The following ADAMTS13 variants were observed in gnomAD, a reference collection of about 807,000 sequenced individuals.
The protein encoded by ADAMTS13 is A disintegrin and metalloproteinase with thrombospondin motifs 13.
A neutral mutation model predicts 155.1 loss-of-function variants in ADAMTS13; 110 were observed. The ratio of observed to expected loss-of-function variants is 0.71; its 90% confidence interval spans 0.61 to 0.83. The LOEUF (loss-of-function observed/expected upper bound fraction) is 0.83, where lower values mean the gene tolerates loss of function less well. Among genes scored for constraint, ADAMTS13 ranks in the 40% least tolerant of loss-of-function variants. The probability of loss-of-function intolerance (pLI) is 0.00; values close to 1 mark genes in which losing one functional copy is unlikely to be tolerated. For synonymous variants in ADAMTS13, 758 were observed against 756.4 expected, an observed-to-expected ratio of 1.00 and a Z score of -0.03; for missense variants, 1,707 against 1,891.7, an observed-to-expected ratio of 0.90 and a Z score of 1.81.
chr9:133,425,391 G>T lies in ADAMTS13; in HGVS notation c.331-138G>T. 1 of 691,884 alleles carries T rather than the reference G, an allele frequency of 1.4e-6. No individual in the cohort carries two copies. Among genetic ancestry groups the T allele is most frequent in the Non-Finnish European group, 2.5e-6 (1 of 403,746 alleles). 42.9% of individuals were successfully genotyped at this position (691,884 alleles called of 1,614,324 possible). A position where few individuals can be genotyped will look rare whatever the true frequency, so the allele number is the denominator to read the frequency against. On this transcript the variant is annotated intron_variant, in intron 3 of 28. Transcript: ENST00000355699. The surrounding 1 kb of genome is among the most constrained non-coding windows in gnomAD (Gnocchi z 4.6). Reference sequence around the variant, plus strand: ...GTGCAGCACATTTTAGGAGCCCCCCGCCCCGCCCGGTTCCCACACATGCTG... The same window carrying T: ...GTGCAGCACATTTTAGGAGCCCCCCTCCCCGCCCGGTTCCCACACATGCTG...
chr9:133,433,234 TTG>T, intron 9 of ADAMTS13, 142 bp from the exon 10 acceptor site: 1 of 1,118,192 alleles, frequency 8.9e-7, no homozygotes, highest in East Asian at 2.4e-5. Context: ...GGTGAGTTCC[TTG>T]TGTGTGTTTG....
At position 133,422,535 on chromosome 9, in the gene ADAMTS13, C is replaced by T. The variant is rs782296373; in HGVS notation, c.92C>T (p.Ser31Phe). Residue 31 changes from serine (S) to phenylalanine (F), a missense_variant, in exon 1 of 29, where the codon TCC becomes TTC. By Grantham distance (155) the Ser-to-Phe change is radical. Coordinates refer to ENST00000355699, the MANE Select transcript of ADAMTS13 (RefSeq NM_139027.6). ...CGFLLGCWGP[S>F]HFQQSCLQAL... ...TTTCTCCTGGGCTGCTGGGGACCCT[C>T]CCATTTCCAGCAGGTGGGCTCATTT... 19 of 1,614,130 alleles carry T rather than the reference C, an allele frequency of 1.2e-5. 1 individual carries two copies. In the South Asian group the frequency reaches 1.9e-4, roughly 16 times the overall value.
chr9:133,417,235 T>A (rs1174255436), upstream of ADAMTS13, among the ~76,000 whole-genome samples: 1 of 152,260 alleles, frequency 6.6e-6, no homozygotes, highest in African/African-American at 2.4e-5. Context: ...CGGGCTGGTC[T>A]TGAACTCTTG....
chr9:133,455,062 A>G (rs587664139), intron 24 of ADAMTS13, among the ~76,000 whole-genome samples: 1 of 152,166 alleles, frequency 6.6e-6, no homozygotes, highest in Non-Finnish European at 1.5e-5. Context: ...AGAGGCCGTG[A>G]GGGTGACAGG....
exon 1 of ADAMTS13, chr9:133,414,598 A>G: frequency 7.0e-7 from 1 of 1,419,674 alleles, no homozygotes. Context: ...ACCAGCCTCC[A>G]TAAGGAGACA....
rs1021426545 is a variant in ADAMTS13 at position 133,425,189 on chromosome 9, G to C, written c.331-340G>C. ...AAAATACAAAACTTAGCTGGGCATG[G>C]TGGCAGGCGCCTGTAATCTGAGAGG... On this transcript the variant is annotated intron_variant, in intron 3 of 28. Coordinates refer to ENST00000355699, the MANE Select transcript of ADAMTS13 (RefSeq NM_139027.6). This position sits in a 1 kb window ranked among gnomAD's most constrained non-coding sequence, Gnocchi z 4.6. Among the ~76,000 whole-genome samples, 1 of 152,204 alleles carries C rather than the reference G, an allele frequency of 6.6e-6. No individual in the cohort carries two copies.
intron 11 of ADAMTS13, among the ~76,000 whole-genome samples, chr9:133,435,180 CT>C (rs989287514): frequency 2.0e-4 from 29 of 147,208 alleles, no homozygotes; most frequent in East Asian, 5.9e-4. Flanking sequence ...GTATGTTTGA[CT>C]TTTTTTTTTC....
chr9:133,433,798 T>A, intron 11 of ADAMTS13, 94 bp downstream of exon 11: 1 of 1,476,548 alleles, frequency 6.8e-7, no homozygotes, highest in Admixed American at 1.7e-5. Context: ...CAGGACACAT[T>A]TGAGAAGGAC....
intron 22 of ADAMTS13, 148 bp downstream of exon 22, chr9:133,448,876 CT>C: frequency 7.6e-7 from 1 of 1,318,642 alleles, no homozygotes; most frequent in Admixed American, 2.0e-5. Flanking sequence ...CCCCATCCCC[CT>C]GCCTCACTCC....
chr9:133,419,594 G>A (rs1409009586), upstream of ADAMTS13, among the ~76,000 whole-genome samples: 1 of 152,140 alleles, frequency 6.6e-6, no homozygotes, highest in East Asian at 1.9e-4. Context: ...AGTGGGAGGA[G>A]AAGCGGATGT....
At chr9:133,419,242 A>G (rs375472704), upstream of ADAMTS13, among the ~76,000 whole-genome samples, 2 of 152,286 alleles carry the variant, frequency 1.3e-5, no homozygotes, top group South Asian at 2.1e-4. Context: ...GGGTGTGGCC[A>G]TTTATCATCT....
At chr9:133,448,504 C>A in intron 21 of ADAMTS13, 95 bp from the exon 22 acceptor site, 1 of 1,539,716 alleles carries the variant, frequency 6.5e-7, no homozygotes, top group Non-Finnish European at 8.9e-7. Context: ...GAAACCCATG[C>A]GGGCCTTATG....
intron 1 of ADAMTS13, chr9:133,415,029 A>C (rs1472702227): frequency 4.5e-6 from 7 of 1,563,620 alleles, no homozygotes; most frequent in Non-Finnish European, 6.0e-6. Flanking sequence ...CCAAAATAAA[A>C]TACATGCTGC....
intron 28 of ADAMTS13, 46 bp downstream of exon 28, chr9:133,458,140 C>T: frequency 1.2e-6 from 2 of 1,602,552 alleles, no homozygotes; most frequent in Non-Finnish European, 1.7e-6. Flanking sequence ...GGACAGCTTT[C>T]CCTAGGGCGT....
chr9:133,433,168 G>A (rs1322812121), intron 9 of ADAMTS13, among the ~76,000 whole-genome samples: 2 of 142,370 alleles, frequency 1.4e-5, no homozygotes, highest in East Asian at 4.1e-4. Context: ...GGGTACCTGT[G>A]TGTTGGGGGG....
At chr9:133,415,016 G>A in intron 1 of ADAMTS13, 4 of 1,573,916 alleles carry the variant, frequency 2.5e-6, no homozygotes, top group South Asian at 2.4e-5. Context: ...CAGCCACTGG[G>A]ACCCAAAATA....
At chr9:133,431,651 A>G (rs2130815284) in intron 8 of ADAMTS13, among the ~76,000 whole-genome samples, 1 of 143,182 alleles carries the variant, frequency 7.0e-6, no homozygotes, top group Middle Eastern at 4.6e-3. Flanking sequence ...TTCTGATTTT[A>G]TTTTATTTAT....
chr9:133,429,566 C>T (rs1840574290), intron 7 of ADAMTS13: 1 of 327,838 alleles, frequency 3.1e-6, no homozygotes, highest in South Asian at 2.3e-5. Flanking sequence ...CCGCCCCTAC[C>T]CCTCCGTCCA....
At chr9:133,433,821 T>C (rs1554788282) in intron 11 of ADAMTS13, 117 bp downstream of exon 11, 1 of 1,270,364 alleles carries the variant, frequency 7.9e-7, no homozygotes, top group Non-Finnish European at 1.1e-6. Context: ...TGGGGCCAGG[T>C]GAGGTGGCTT....
Sources: gnomAD v4.1 joint callset for allele counts (sites outside exome capture counted in the v4.1 genomes callset) on GRCh38, gnomAD v4.1.1 for gene constraint, Gnocchi (gnomAD v3.1) non-coding constraint, MANE v1.5 for transcripts, NCBI Gene and HGNC (gene_info 2026-07-23, HGNC 2026-07-21) for gene names.